The following RIMS2 variants were observed in gnomAD, a reference collection of about 807,000 sequenced individuals.
The protein encoded by RIMS2 is regulating synaptic membrane exocytosis 2.
RIMS2 carries 59 observed loss-of-function variants against 174.4 expected under a neutral mutation model. That is an observed-to-expected ratio of 0.34 (90% confidence interval 0.27 to 0.42). RIMS2 has a LOEUF of 0.42. Among genes scored for constraint, RIMS2 ranks in the 10% least tolerant of loss-of-function variants. RIMS2 has a pLI of 1.00. For missense variants in RIMS2, 1,620 were observed against 1,666.3 expected, an observed-to-expected ratio of 0.97 and a Z score of 0.48; for synonymous variants, 606 against 572.5, an observed-to-expected ratio of 1.06 and a Z score of -0.84.
intron 1 of RIMS2, among the ~76,000 whole-genome samples, chr8:103,590,275 A>C (rs1214843593): frequency 1.3e-5 from 2 of 151,436 alleles, no homozygotes; most frequent in Non-Finnish European, 3.0e-5. Flanking sequence ...GTCACCAAAA[A>C]ACTGTTAGAA....
intron 4 of RIMS2, among the ~76,000 whole-genome samples, chr8:103,908,758 G>T (rs1030138105): frequency 2.0e-5 from 3 of 152,082 alleles, no homozygotes; most frequent in Admixed American, 2.0e-4. Flanking sequence ...AAGGGTTATT[G>T]TAAATGTCTT....
At chr8:103,599,142 C>T (rs2094590460) in intron 1 of RIMS2, among the ~76,000 whole-genome samples, 2 of 152,134 alleles carry the variant, frequency 1.3e-5, no homozygotes, top group South Asian at 4.1e-4. Context: ...AATAACACTA[C>T]TGCTACTACT....
At chr8:103,731,801 T>C (rs958772928) in intron 2 of RIMS2, among the ~76,000 whole-genome samples, 2 of 152,200 alleles carry the variant, frequency 1.3e-5, no homozygotes, top group Non-Finnish European at 1.5e-5. Flanking sequence ...TTCTTTTGAA[T>C]CATTTCAATC....
At chr8:104,103,220 G>T (rs1056781838) in intron 19 of RIMS2, among the ~76,000 whole-genome samples, 2 of 152,070 alleles carry the variant, frequency 1.3e-5, no homozygotes, top group African/African-American at 4.8e-5. Flanking sequence ...TGTTGCCAGG[G>T]GTTAAGGGGA....
At chr8:104,132,926 C>T (rs1189941228) in intron 19 of RIMS2, among the ~76,000 whole-genome samples, 2 of 152,194 alleles carry the variant, frequency 1.3e-5, no homozygotes, top group African/African-American at 4.8e-5. Context: ...GGTATCACCC[C>T]AGACCTAATG....
chr8:104,243,463 A>G (rs2441802), intron 19 of RIMS2, among the ~76,000 whole-genome samples: 113,320 of 152,068 alleles, frequency 0.75, 43,242 homozygotes, highest in African/African-American at 0.91. Context: ...AAGGCGGGCA[A>G]ATGACAAGGT....
intron 1 of RIMS2, among the ~76,000 whole-genome samples, chr8:103,600,032 C>T (rs146787163): frequency 2.0e-5 from 3 of 152,114 alleles, no homozygotes; most frequent in Non-Finnish European, 2.9e-5. Flanking sequence ...TCCTCATCTC[C>T]GCTAACCCCT....
intron 2 of RIMS2, among the ~76,000 whole-genome samples, chr8:103,712,008 T>G (rs1196537147): frequency 2.0e-5 from 3 of 151,960 alleles, no homozygotes; most frequent in Admixed American, 6.6e-5. Context: ...TTTTTTTTTT[T>G]AGAGATGTGG....
chr8:104,075,790 T>C (rs1249711416), intron 19 of RIMS2, among the ~76,000 whole-genome samples: 1 of 152,198 alleles, frequency 6.6e-6, no homozygotes. Flanking sequence ...TATTCTTAAA[T>C]GCCAGACTAG....
At chr8:104,162,255 T>C (rs1271332761) in intron 19 of RIMS2, among the ~76,000 whole-genome samples, 1 of 152,202 alleles carries the variant, frequency 6.6e-6, no homozygotes, top group Non-Finnish European at 1.5e-5. Flanking sequence ...ATTATATGCA[T>C]CCTGTATGCT....
chr8:103,813,001 C>A (rs1410802900), intron 3 of RIMS2, among the ~76,000 whole-genome samples: 1 of 152,098 alleles, frequency 6.6e-6, no homozygotes, highest in Non-Finnish European at 1.5e-5. Flanking sequence ...GATGGGACTA[C>A]AGATATAAAT....
intron 19 of RIMS2, among the ~76,000 whole-genome samples, chr8:104,099,344 A>G (rs1032505436): frequency 7.2e-5 from 11 of 152,062 alleles, no homozygotes; most frequent in South Asian, 4.1e-4. Flanking sequence ...ACCAAGTATT[A>G]CCTGTGGCTT....
chr8:103,708,667 T>C (rs781225323), intron 2 of RIMS2, among the ~76,000 whole-genome samples: 13 of 152,204 alleles, frequency 8.5e-5, no homozygotes, highest in Non-Finnish European at 1.5e-4. Flanking sequence ...TTTCACTGTT[T>C]CCATTGAGAA....
At chr8:103,837,263 C>A (rs112793226) in intron 3 of RIMS2, among the ~76,000 whole-genome samples, 1 of 152,182 alleles carries the variant, frequency 6.6e-6, no homozygotes, top group East Asian at 1.9e-4. Context: ...TTGGGAAGAA[C>A]GTACTTCCAG....
intron 19 of RIMS2, among the ~76,000 whole-genome samples, chr8:104,020,677 C>T (rs1445883212): frequency 1.3e-5 from 2 of 151,708 alleles, no homozygotes; most frequent in African/African-American, 2.4e-5. Context: ...TTTTTCAATC[C>T]AGAAATTGTT....
rs765172235 is a variant in RIMS2, at chr8:103,652,749, G to C, written c.177-44337G>C. On this transcript the variant is annotated intron_variant, in intron 1 of 23. Coordinates refer to ENST00000504942, the Ensembl canonical transcript of RIMS2. ...TCTATATAGACTAAATATTATCTCT[G>C]ATAGTATAACATACTGAAAAGTATG... 17 of 1,154,028 alleles carry C rather than the reference G, an allele frequency of 1.5e-5. No homozygotes were observed. The South Asian group carries it at 2.0e-4, about 13-fold the overall frequency. 71.5% of individuals were successfully genotyped at this position (1,154,028 alleles called of 1,614,324 possible). A position where few individuals can be genotyped will look rare whatever the true frequency, so the allele number is the denominator to read the frequency against.
intron 1 of RIMS2, among the ~76,000 whole-genome samples, chr8:103,576,927 A>C (rs1446136751): frequency 2.0e-5 from 3 of 152,208 alleles, no homozygotes; most frequent in Admixed American, 6.5e-5. Flanking sequence ...AATTAACTCA[A>C]GATGGATTAA....
chr8:104,184,331 T>G (rs1339195651), intron 19 of RIMS2, among the ~76,000 whole-genome samples: 1 of 151,630 alleles, frequency 6.6e-6, no homozygotes, highest in Non-Finnish European at 1.5e-5. Flanking sequence ...ACAAAGACCT[T>G]GTCTTCTGTG....
intron 1 of RIMS2, 101 bp from the exon 3 acceptor site, chr8:103,652,523 G>A: frequency 1.8e-6 from 1 of 555,794 alleles, no homozygotes; most frequent in South Asian, 1.6e-5. Context: ...ACCATTGGCT[G>A]TAGCTTTTGT....
Sources: allele counts gnomAD v4.1 joint callset (sites outside exome capture counted in the v4.1 genomes callset), GRCh38; gene constraint gnomAD v4.1.1; transcripts MANE v1.5; gene names NCBI Gene and HGNC (gene_info 2026-07-23, HGNC 2026-07-21).